SHTN1: variants seen among roughly 807,000 people sequenced by gnomAD.
SHTN1 encodes the protein shootin-1.
In SHTN1, 42 loss-of-function variants were observed where a neutral mutation model predicts 83.1. The ratio of observed to expected loss-of-function variants is 0.51; its 90% CI spans 0.39 to 0.65. The LOEUF is 0.65. SHTN1 is among the 30% of genes least tolerant of loss of function. The probability of loss-of-function intolerance (pLI) is 0.00; values close to 1 mark genes in which losing one functional copy is unlikely to be tolerated. For synonymous variants in SHTN1, 224 were observed against 247.7 expected, an observed-to-expected ratio of 0.90 and a Z score of 0.90; for missense variants, 622 against 737.8, an observed-to-expected ratio of 0.84 and a Z score of 1.82.
intron 2 of SHTN1, among the ~76,000 whole-genome samples, chr10:116,975,085 A>C (rs1421282775): frequency 6.6e-6 from 1 of 152,216 alleles, no homozygotes; most frequent in Admixed American, 6.5e-5. Flanking sequence ...TCCACTTAGA[A>C]AATGGGCAAA....
intron 16 of SHTN1, among the ~76,000 whole-genome samples, chr10:116,889,932 T>C (rs61872990): frequency 0.14 from 20,997 of 152,168 alleles, 1,723 homozygotes; most frequent in Admixed American, 0.19. Context: ...CAAGACTCCT[T>C]CTGGAATGAG....
intron 3 of SHTN1, among the ~76,000 whole-genome samples, chr10:116,961,678 G>C (rs541860262): frequency 1.3e-5 from 2 of 152,286 alleles, no homozygotes; most frequent in Admixed American, 1.3e-4. Context: ...CTCACTAAAT[G>C]ACACGTTAAG....
chr10:117,112,171 G>T (rs1221026369), intron 1 of SHTN1, among the ~76,000 whole-genome samples: 1 of 152,078 alleles, frequency 6.6e-6, no homozygotes, highest in Non-Finnish European at 1.5e-5. Context: ...TTGCCATGTT[G>T]CTCAGGCTGG....
At chr10:117,082,497 A>G (rs1018633074) in intron 1 of SHTN1, among the ~76,000 whole-genome samples, 11 of 151,814 alleles carry the variant, frequency 7.2e-5, no homozygotes, top group African/African-American at 2.7e-4. Context: ...TGGTGCTGAA[A>G]AAAATGTATA....
At chr10:117,066,552 A>G (rs1169760989) in intron 1 of SHTN1, among the ~76,000 whole-genome samples, 1 of 152,174 alleles carries the variant, frequency 6.6e-6, no homozygotes, top group Non-Finnish European at 1.5e-5. Flanking sequence ...ATGTGGGACA[A>G]TATTATAAGG....
rs531802440 is a variant in SHTN1, at chr10:117,037,705, CAAAT to C, written c.-123+10736_-123+10739del. On this transcript the variant is annotated intron_variant, in intron 2 of 17. Transcript: ENST00000392901. ...AGTGTGATACTGGTGAAAGAACAGA[CAAAT>C]AAATCAGTAAACCAGAGGCTGGGTG... is the stretch of plus-strand genomic sequence containing the variant. 4.0e-4 allele frequency among the ~76,000 whole-genome samples: 61 copies of C among 152,200 alleles called. No homozygotes were observed. In the South Asian group the frequency reaches 0.012, roughly 31 times the overall value.
intron 1 of SHTN1, among the ~76,000 whole-genome samples, chr10:117,066,372 T>C (rs1236695136): frequency 1.3e-5 from 2 of 152,058 alleles, no homozygotes; most frequent in African/African-American, 4.8e-5. Flanking sequence ...TTGTCTCCCT[T>C]GGAGAGAGAG....
At chr10:116,913,390 T>G (rs562567331) in intron 13 of SHTN1, among the ~76,000 whole-genome samples, 15 of 152,364 alleles carry the variant, frequency 9.8e-5, no homozygotes, top group African/African-American at 3.1e-4. Context: ...GCACTGTATC[T>G]ACACAGTTCA....
chr10:116,974,323 T>A (rs1050927578), intron 2 of SHTN1, among the ~76,000 whole-genome samples: 1 of 152,236 alleles, frequency 6.6e-6, no homozygotes, highest in Non-Finnish European at 1.5e-5. Context: ...AGAAACTGCA[T>A]GTATGTGGAT....
At chr10:117,122,331 C>T (rs1853942332) in intron 1 of SHTN1, among the ~76,000 whole-genome samples, 1 of 152,100 alleles carries the variant, frequency 6.6e-6, no homozygotes, top group South Asian at 2.1e-4. Context: ...GGGCACATGC[C>T]ACCATACCCA....
At chr10:117,035,947 CAA>C (rs35033048) in intron 2 of SHTN1, among the ~76,000 whole-genome samples, 5 of 72,202 alleles carry the variant, frequency 6.9e-5, no homozygotes, top group East Asian at 4.8e-4. Flanking sequence ...AACTCCATCT[CAA>C]AAAAAAAAAA....
intron 2 of SHTN1, among the ~76,000 whole-genome samples, chr10:116,970,704 C>T (rs931347940): frequency 2.7e-5 from 4 of 145,496 alleles, no homozygotes; most frequent in Non-Finnish European, 6.0e-5. Context: ...CAGAGAGAGA[C>T]TTACTCTCAA....
intron 8 of SHTN1, 143 bp from the exon 9 acceptor site, chr10:116,940,755 G>C (rs1564888092): frequency 3.4e-5 from 19 of 553,588 alleles, no homozygotes; most frequent in Non-Finnish European, 3.0e-6. Flanking sequence ...TAGAAGTAGT[G>C]ATTGCTATGA....
intron 2 of SHTN1, among the ~76,000 whole-genome samples, chr10:117,029,773 A>G (rs920287239): frequency 2.0e-5 from 3 of 152,054 alleles, no homozygotes; most frequent in Admixed American, 6.6e-5. Context: ...CCAGAAACTG[A>G]GCAGATACCA....
intron 1 of SHTN1, among the ~76,000 whole-genome samples, chr10:117,104,202 GT>G (rs1215370565): frequency 3.3e-5 from 5 of 152,026 alleles, no homozygotes; most frequent in Non-Finnish European, 7.4e-5. Flanking sequence ...TTGTGTTAGA[GT>G]TTATTTTGCT....
chr10:117,102,546 A>G (rs1407581666), intron 1 of SHTN1, among the ~76,000 whole-genome samples: 3 of 152,144 alleles, frequency 2.0e-5, no homozygotes, highest in Non-Finnish European at 4.4e-5. Flanking sequence ...CTCACCCTCC[A>G]GCTTCCTGTC....
chr10:117,121,528 G>C (rs1222569875), intron 1 of SHTN1, among the ~76,000 whole-genome samples: 1 of 151,518 alleles, frequency 6.6e-6, no homozygotes, highest in Admixed American at 6.6e-5. Flanking sequence ...GCAGTGAGCT[G>C]AGATCATGCC....
At chr10:117,075,789 A>G (rs1853143080) in intron 1 of SHTN1, among the ~76,000 whole-genome samples, 1 of 152,208 alleles carries the variant, frequency 6.6e-6, no homozygotes, top group Non-Finnish European at 1.5e-5. Context: ...GTAGAATTAG[A>G]ACAATCATGT....
At chr10:116,991,903 A>G (rs1851449766) in intron 1 of SHTN1, among the ~76,000 whole-genome samples, 1 of 152,162 alleles carries the variant, frequency 6.6e-6, no homozygotes, top group Admixed American at 6.5e-5. Flanking sequence ...GCACTTTGGG[A>G]GGCCAAGGCA....
Sources: gnomAD v4.1 joint callset for allele counts (sites outside exome capture counted in the v4.1 genomes callset) on GRCh38, gnomAD v4.1.1 for gene constraint, MANE v1.5 for transcripts, NCBI Gene and HGNC (gene_info 2026-07-23, HGNC 2026-07-21) for gene names.